Variants in PTPN23 observed in about 807,000 individuals in gnomAD.
PTPN23 encodes tyrosine-protein phosphatase non-receptor type 23.
A neutral mutation model predicts 156.3 loss-of-function variants in PTPN23; 72 were observed. The observed-to-expected ratio is 0.46, with a 90% CI of 0.38 to 0.56. The LOEUF is 0.56. PTPN23 is among the 20% of genes least tolerant of loss of function. The pLI, the probability that PTPN23 is intolerant of heterozygous loss-of-function variation, is 0.00. For synonymous variants in PTPN23, 957 were observed against 899.6 expected (o/e 1.06, Z -1.14); for missense variants, 1,974 against 2,171.5 (o/e 0.91, Z 1.81).
At chr3:47,388,757 C>T (rs550610972) in intron 1 of PTPN23, among the ~76,000 whole-genome samples, 1 of 151,738 alleles carries the variant, frequency 6.6e-6, no homozygotes, top group South Asian at 2.1e-4. Context: ...CTCCGCCTCC[C>T]GTGTTCAAGC....
At chr3:47,390,880 T>C (rs1413377666) in intron 1 of PTPN23, among the ~76,000 whole-genome samples, 1 of 152,156 alleles carries the variant, frequency 6.6e-6, no homozygotes, top group Non-Finnish European at 1.5e-5. Flanking sequence ...GGGAGGCTGA[T>C]GTGGGTCAAC....
chr3:47,389,974 T>C (rs1288496197), intron 1 of PTPN23, among the ~76,000 whole-genome samples: 1 of 147,434 alleles, frequency 6.8e-6, no homozygotes, highest in African/African-American at 2.5e-5. Flanking sequence ...TTGGGAGGCT[T>C]AGGCAGGAGA....
intron 1 of PTPN23, among the ~76,000 whole-genome samples, chr3:47,391,966 A>G (rs1196063541): frequency 6.6e-6 from 1 of 152,142 alleles, no homozygotes. Context: ...GTTCACTGCA[A>G]CCTTGAACTC....
chr3:47,406,203 G>A lies in PTPN23; in HGVS notation c.547-122G>A, dbSNP rs1705119041. ...AGCACCGTGGTGCTGCTTGGAGTGG[G>A]GGCAGCTGGGGGAGAGGGCAGTGAA... On this transcript the variant is annotated intron_variant, in intron 6 of 24. Coordinates refer to ENST00000265562, the MANE Select transcript of PTPN23 (RefSeq NM_015466.4). The surrounding 1 kb of genome is among the most constrained non-coding windows in gnomAD (Gnocchi z 5.8). 3 of 1,454,676 alleles carry A rather than the reference G, an allele frequency of 2.1e-6. No individual in the cohort carries two copies. Among genetic ancestry groups the A allele is most frequent in the East Asian group, 4.9e-5 (2 of 41,040 alleles). 90.1% of individuals were successfully genotyped at this position (1,454,676 alleles called of 1,614,324 possible).
intron 1 of PTPN23, among the ~76,000 whole-genome samples, chr3:47,388,658 CTAG>C (rs1704703342): frequency 7.0e-6 from 1 of 143,588 alleles, no homozygotes; most frequent in South Asian, 2.2e-4. Flanking sequence ...GCTGTCACTA[CTAG>C]ATCTTTTTTT....
rs935679318 is a variant in PTPN23, at chr3:47,407,032, C to T, written c.808-98C>T. On this transcript the variant is annotated intron_variant, in intron 9 of 24. Transcript: ENST00000265562. The surrounding 1 kb of genome is among the most constrained non-coding windows in gnomAD (Gnocchi z 4.0). ...TGGTGCCCGGCTGCCTCCTGAGCTG[C>T]TTGTCATCTGATGGACAGGCAGGGC... 2.7e-5 allele frequency: 41 copies of T among 1,514,552 alleles called. No individual in the cohort carries two copies. The highest frequency in any genetic ancestry group is 9.1e-6 in the Non-Finnish European group (10 of 1,099,118). 93.8% of individuals were successfully genotyped at this position (1,514,552 alleles called of 1,614,324 possible).
chr3:47,413,264 A>G lies in PTPN23; in HGVS notation c.*79A>G. On this transcript the variant is annotated 3_prime_UTR_variant, in exon 25 of 25. Transcript: ENST00000265562. The stretch of plus-strand genomic sequence containing the variant: ...CTGCCCACACCCAGCAGAGCTTCTC[A>G]GTGGGCACAGTCTCTTACTCCCATT... 1 of 1,517,264 alleles carries G rather than the reference A, an allele frequency of 6.6e-7. No individual in the cohort carries two copies. Among genetic ancestry groups the G allele is most frequent in the Non-Finnish European group, 8.9e-7 (1 of 1,120,870 alleles). 94.0% of individuals were successfully genotyped at this position (1,517,264 alleles called of 1,614,324 possible).
At chr3:47,409,374 C>T (rs376311319) in intron 17 of PTPN23, 43 bp from the exon 18 acceptor site, 73 of 1,613,290 alleles carry the variant, frequency 4.5e-5, no homozygotes, top group South Asian at 1.8e-4. Flanking sequence ...CCTTAGGAGT[C>T]GAGGCCCTGA....
In PTPN23 at chr3:47,412,501, T is replaced by A; in HGVS notation, c.4318-13T>A. On this transcript the variant is annotated splice_polypyrimidine_tract_variant and intron_variant, in intron 23 of 24. Coordinates refer to ENST00000265562, the MANE Select transcript of PTPN23 (RefSeq NM_015466.4). ...CCCCTGCCCAGCTGACCTGGCCAAA[T>A]GCACCTGTGCAGCTGCACCTCAGGT... The A allele has an allele frequency of 6.2e-7, 1 of 1,612,668 alleles. No homozygotes were observed. Among genetic ancestry groups the A allele is most frequent in the Non-Finnish European group, 8.5e-7 (1 of 1,179,554 alleles).
At chr3:47,412,679 C>T (rs750833175) in intron 24 of PTPN23, 27 bp from the exon 25 acceptor site, 2 of 1,599,632 alleles carry the variant, frequency 1.3e-6, no homozygotes, top group Non-Finnish European at 1.7e-6. Flanking sequence ...TTGGGACTCC[C>T]TCTCCTCACT....
intron 1 of PTPN23, among the ~76,000 whole-genome samples, chr3:47,384,549 A>T (rs1704616716): frequency 6.6e-6 from 1 of 151,192 alleles, no homozygotes; most frequent in African/African-American, 2.4e-5. Flanking sequence ...CCAGAGATGG[A>T]TTTTAAAGGA....
intron 2 of PTPN23, among the ~76,000 whole-genome samples, chr3:47,403,199 C>CA (rs1705038745): frequency 1.3e-5 from 2 of 151,726 alleles, no homozygotes; most frequent in Non-Finnish European, 2.9e-5. Context: ...TCTACAGGTG[C>CA]CTGCCACCAC....
chr3:47,411,216 C>T lies in PTPN23; in HGVS notation c.3418C>T (p.Leu1140=), dbSNP rs776302834. 6.2e-6 allele frequency: 10 copies of T among 1,605,384 alleles called. No individual in the cohort carries two copies. In the African/African-American group the frequency reaches 1.2e-4, roughly 19 times the overall value. The change falls in exon 20 of 25, where the codon CTG becomes TTG. Residue 1140 remains leucine (L), a synonymous_variant. Coordinates refer to ENST00000265562, the MANE Select transcript of PTPN23 (RefSeq NM_015466.4). This position sits in a 1 kb window ranked among gnomAD's most constrained non-coding sequence, Gnocchi z 6.3. ...TCAGTCTCCTGGGGGTGGGCAGCCCCTGCTGCAGCCCACCAAGGTGGATGC... is the reference window on the plus strand; with the variant it reads ...TCAGTCTCCTGGGGGTGGGCAGCCCTTGCTGCAGCCCACCAAGGTGGATGC... ...GTQSPGGGQP[L]LQPTKVDAAE...
chr3:47,409,855 G>A (rs1006838754), intron 19 of PTPN23, 21 bp downstream of exon 19: 8 of 1,605,318 alleles, frequency 5.0e-6, no homozygotes, highest in Non-Finnish European at 6.8e-6. Flanking sequence ...CCCTGGGGCT[G>A]TGGTGCGGCT....
chr3:47,403,501 G>A (rs1023155436), intron 2 of PTPN23, among the ~76,000 whole-genome samples: 2 of 152,006 alleles, frequency 1.3e-5, no homozygotes, highest in African/African-American at 4.8e-5. Context: ...GTCCCCTTTA[G>A]TGGGAATTTT....
chr3:47,403,091 C>T (rs1472531109), intron 2 of PTPN23, among the ~76,000 whole-genome samples: 1 of 151,370 alleles, frequency 6.6e-6, no homozygotes, highest in East Asian at 1.9e-4. Context: ...CTCGCTGTCG[C>T]CCAGGCTGGA....
chr3:47,401,650 T>C (rs1242817908), intron 2 of PTPN23, among the ~76,000 whole-genome samples: 2 of 152,096 alleles, frequency 1.3e-5, no homozygotes, highest in Non-Finnish European at 2.9e-5. Context: ...TAAAGAAAAA[T>C]GTTAAGTACA....
In PTPN23 at chr3:47,409,936, A is replaced by G; in HGVS notation, c.2138A>G (p.Lys713Arg). The change falls in exon 20 of 25, where the codon AAG (lysine) becomes AGG (arginine). Residue 713 changes from lysine to arginine, a missense_variant. Lys to Arg is a conservative substitution (Grantham distance 26). Coordinates refer to ENST00000265562, the MANE Select transcript of PTPN23 (RefSeq NM_015466.4). The stretch of plus-strand genomic sequence containing the variant: ...CCTTGCCTGTCGCACAGGGAGCTGA[A>G]GAAGAAGCCGCCGCCACGGCCCACA... ...ARQQLLDREL[K>R]KKPPPRPTAP... The G allele has an allele frequency of 1.9e-6, 3 of 1,569,208 alleles. No homozygotes were observed. The highest frequency in any genetic ancestry group is 2.6e-6 in the Non-Finnish European group (3 of 1,159,406).
chr3:47,410,838 CT>C lies in PTPN23; in HGVS notation c.3041del (p.Leu1014HisfsTer146). The C allele has an allele frequency of 1.2e-6, 2 of 1,604,838 alleles. No homozygotes were observed. The highest frequency in any genetic ancestry group is 1.7e-6 in the Non-Finnish European group (2 of 1,173,146). On this transcript the variant is annotated frameshift_variant, in exon 20 of 25. Transcript: ENST00000265562. LOFTEE classifies it high-confidence loss of function. ...GGTCCTGGGGCAGCCGCCACCCCCCCTACACACCCAGCTCTACCCAGGTCCC... is the reference window on the plus strand; with the variant it reads ...GGTCCTGGGGCAGCCGCCACCCCCCCACACACCCAGCTCTACCCAGGTCCC... ...PGVLGQPPPP[L>X]HTQLYPGPAQ...
Sources: allele counts gnomAD v4.1 joint callset (sites outside exome capture counted in the v4.1 genomes callset), GRCh38; gene constraint gnomAD v4.1.1; non-coding constraint Gnocchi (gnomAD v3.1); transcripts MANE v1.5; gene names NCBI Gene and HGNC (gene_info 2026-07-23, HGNC 2026-07-21).